The following SLC38A11 variants were observed in gnomAD, a reference collection of about 807,000 sequenced individuals.
SLC38A11 encodes the protein putative sodium-coupled neutral amino acid transporter 11.
In SLC38A11, 51 loss-of-function variants were observed where a neutral mutation model predicts 49.4. The ratio of observed to expected loss-of-function variants is 1.03; its 90% CI spans 0.83 to 1.30. SLC38A11 has a LOEUF of 1.30. Ranked by LOEUF, SLC38A11 falls within the 50% of genes most tolerant of loss-of-function variation. SLC38A11 has a pLI of 0.00. For synonymous variants in SLC38A11, 203 were observed against 192.9 expected, an observed-to-expected ratio of 1.05 and a Z score of -0.43; for missense variants, 574 against 556.2, an observed-to-expected ratio of 1.03 and a Z score of -0.32.
chr2:164,918,635 A>G (rs184594717), intron 7 of SLC38A11, among the ~76,000 whole-genome samples: 2 of 152,324 alleles, frequency 1.3e-5, no homozygotes, highest in Admixed American at 6.5e-5. Flanking sequence ...AGCTGATTCA[A>G]TAAAATAAGT....
chr2:164,900,483 C>A (rs1684582507), intron 11 of SLC38A11, among the ~76,000 whole-genome samples: 1 of 151,986 alleles, frequency 6.6e-6, no homozygotes, highest in African/African-American at 2.4e-5. Flanking sequence ...TCTTTTTGAT[C>A]ATAGCCATCC....
At chr2:164,953,064 CA>C in intron 2 of SLC38A11, 1 of 351,776 alleles carries the variant, frequency 2.8e-6, no homozygotes, top group Non-Finnish European at 5.2e-6. Flanking sequence ...CCAGTTCACA[CA>C]AATAACGTTT....
intron 1 of SLC38A11, 49 bp from the exon 2 acceptor site, chr2:164,954,794 G>GA (rs1425022528): frequency 2.2e-6 from 2 of 916,968 alleles, no homozygotes; most frequent in Non-Finnish European, 3.3e-6. Flanking sequence ...CAGAAAATTA[G>GA]AAAAGTAACA....
In SLC38A11 at chr2:164,896,724, A is replaced by T. The variant is rs1684383166; in HGVS notation, c.*1713T>A. The T allele has an allele frequency of 6.6e-6, 1 of 152,194 alleles. No homozygotes were observed. Among genetic ancestry groups the T allele is most frequent in the Non-Finnish European group, 1.5e-5 (1 of 68,042 alleles). The allele number at this position is 152,194 out of a possible 1,614,324, so 9.4% of individuals were successfully genotyped here. The stretch of plus-strand genomic sequence containing the variant: ...AATTTAAATTAATTTAATGGTAAGG[A>T]TAATATTTTATTGAAAAAATAAATC... On this transcript the variant is annotated 3_prime_UTR_variant, in exon 12 of 12. Coordinates refer to ENST00000685975, the MANE Select transcript of SLC38A11 (RefSeq NM_001351537.2).
rs1165412747 is a variant in SLC38A11 at position 164,908,755 on chromosome 2, A to C, written c.980T>G (p.Phe327Cys). The change falls in exon 11 of 12, where the codon TTT becomes TGT. Residue 327 changes from phenylalanine to cysteine, a missense_variant. Phe to Cys is a radical substitution (Grantham distance 205). Transcript: ENST00000685975. ...AACCGATGAAAGATTCCCACCAAAA[A>C]ACACATTGGCAATTACCTGCCGAAT... ...FVTREVIANV[F>C]FGGNLSSVFH... The C allele has an allele frequency of 6.2e-7, 1 of 1,610,454 alleles. No individual in the cohort carries two copies. Among genetic ancestry groups the C allele is most frequent in the Admixed American group, 1.7e-5 (1 of 59,618 alleles).
chr2:164,917,889 T>G (rs1384835588), intron 7 of SLC38A11, among the ~76,000 whole-genome samples: 2 of 152,134 alleles, frequency 1.3e-5, no homozygotes, highest in Non-Finnish European at 2.9e-5. Flanking sequence ...TACCTAGAGA[T>G]AATTTTGGAT....
chr2:164,933,191 T>C (rs1687127773), intron 7 of SLC38A11, among the ~76,000 whole-genome samples: 1 of 152,098 alleles, frequency 6.6e-6, no homozygotes, highest in Non-Finnish European at 1.5e-5. Context: ...CTGCATGTTA[T>C]AATTTCCATT....
chr2:164,902,466 A>T (rs1684721725), intron 11 of SLC38A11, among the ~76,000 whole-genome samples: 1 of 152,194 alleles, frequency 6.6e-6, no homozygotes, highest in Non-Finnish European at 1.5e-5. Flanking sequence ...TTCATAAACT[A>T]TGTTTTTCTA....
intron 11 of SLC38A11, among the ~76,000 whole-genome samples, chr2:164,899,487 C>T (rs1406777419): frequency 6.6e-6 from 1 of 151,954 alleles, no homozygotes; most frequent in African/African-American, 2.4e-5. Flanking sequence ...AGACTTTCCC[C>T]TTGAATAGGA....
At chr2:164,925,440 G>T (rs1401649264) in intron 7 of SLC38A11, among the ~76,000 whole-genome samples, 2 of 152,088 alleles carry the variant, frequency 1.3e-5, no homozygotes, top group Non-Finnish European at 2.9e-5. Context: ...TGTCACTAGG[G>T]TTCTACTTGG....
At chr2:164,921,220 G>A (rs1686178552) in intron 7 of SLC38A11, among the ~76,000 whole-genome samples, 1 of 152,036 alleles carries the variant, frequency 6.6e-6, no homozygotes, top group Non-Finnish European at 1.5e-5. Flanking sequence ...CAAGAGATAA[G>A]GCTTAAAGGG....
At chr2:164,915,616 G>T in intron 8 of SLC38A11, 1 of 430,172 alleles carries the variant, frequency 2.3e-6, no homozygotes, top group Non-Finnish European at 4.1e-6. Context: ...CATAATAAAG[G>T]GTTTGAAGAA....
intron 5 of SLC38A11, among the ~76,000 whole-genome samples, chr2:164,941,757 C>T (rs1359676567): frequency 6.6e-6 from 1 of 152,016 alleles, no homozygotes; most frequent in Non-Finnish European, 1.5e-5. Context: ...TCTAACTGTA[C>T]AGTAGGTACT....
intron 5 of SLC38A11, among the ~76,000 whole-genome samples, chr2:164,939,794 T>C (rs1021660634): frequency 2.0e-5 from 3 of 152,026 alleles, no homozygotes. Flanking sequence ...ATATTTCACA[T>C]TGAAATTATT....
intron 7 of SLC38A11, among the ~76,000 whole-genome samples, chr2:164,930,540 C>T (rs1686927683): frequency 6.6e-6 from 1 of 152,076 alleles, no homozygotes; most frequent in Non-Finnish European, 1.5e-5. Context: ...AGTAGCACAT[C>T]AAAATGCTTA....
intron 2 of SLC38A11, among the ~76,000 whole-genome samples, chr2:164,954,057 C>T (rs1688692764): frequency 6.6e-6 from 1 of 151,888 alleles, no homozygotes; most frequent in Non-Finnish European, 1.5e-5. Flanking sequence ...TACGCATTTT[C>T]AATGAACAAA....
chr2:164,940,266 T>G (rs2105502158), intron 5 of SLC38A11, among the ~76,000 whole-genome samples: 1 of 148,292 alleles, frequency 6.7e-6, no homozygotes, highest in African/African-American at 2.5e-5. Flanking sequence ...ATCACATATA[T>G]AATTATATGT....
intron 7 of SLC38A11, among the ~76,000 whole-genome samples, chr2:164,929,156 C>T (rs1686806309): frequency 6.6e-6 from 1 of 152,108 alleles, no homozygotes; most frequent in Non-Finnish European, 1.5e-5. Flanking sequence ...TTTCCTATCA[C>T]TCACTTACAT....
chr2:164,925,865 T>C (rs1426095242), intron 7 of SLC38A11, among the ~76,000 whole-genome samples: 2 of 152,214 alleles, frequency 1.3e-5, no homozygotes, highest in African/African-American at 4.8e-5. Context: ...GTTAGTTTGC[T>C]GGCAGACTCT....
Sources: gnomAD v4.1 joint callset for allele counts (sites outside exome capture counted in the v4.1 genomes callset) on GRCh38, gnomAD v4.1.1 for gene constraint, MANE v1.5 for transcripts, NCBI Gene and HGNC (gene_info 2026-07-23, HGNC 2026-07-21) for gene names.